GRIK4: variants seen among roughly 807,000 people sequenced by gnomAD.
The protein encoded by GRIK4 is glutamate receptor ionotropic, kainate 4.
Under a neutral mutation model 104.9 loss-of-function variants are expected in GRIK4, and 40 were observed. That is an observed-to-expected ratio of 0.38 (90% CI 0.30 to 0.50). The LOEUF (loss-of-function observed/expected upper bound fraction) is 0.50. Among genes scored for constraint, GRIK4 ranks in the 20% least tolerant of loss-of-function variants. GRIK4 has a pLI of 0.93. For missense variants in GRIK4, 1,047 were observed against 1,308.1 expected (o/e 0.80, Z 3.08); for synonymous variants, 485 against 524.9 (o/e 0.92, Z 1.04).
At chr11:120,611,857 G>A (rs1296892738) in intron 1 of GRIK4, among the ~76,000 whole-genome samples, 1 of 152,184 alleles carries the variant, frequency 6.6e-6, no homozygotes, top group East Asian at 1.9e-4. Context: ...GCCCCACCTG[G>A]GATGAAGCCA....
chr11:120,621,100 G>A (rs1241675514), intron 1 of GRIK4, among the ~76,000 whole-genome samples: 1 of 152,218 alleles, frequency 6.6e-6, no homozygotes, highest in African/African-American at 2.4e-5. Context: ...CCTGGTCACA[G>A]CTTGTCACAC....
chr11:120,770,418 T>G (rs537380867), intron 3 of GRIK4, among the ~76,000 whole-genome samples: 1 of 152,366 alleles, frequency 6.6e-6, no homozygotes, highest in Admixed American at 6.5e-5. Context: ...CCTCTTTTAG[T>G]GGCAAACTGT....
rs778610981 is a variant in GRIK4, at chr11:120,875,198, C to T, written c.1119C>T (p.Asn373=). 1.9e-6 allele frequency: 3 copies of T among 1,613,730 alleles called. No homozygotes were observed. Among genetic ancestry groups the T allele is most frequent in the Admixed American group, 3.3e-5 (2 of 60,026 alleles). The change falls in exon 11 of 21, where the codon AAC becomes AAT. Residue 373 remains asparagine (N), a synonymous_variant. Coordinates refer to ENST00000527524, the MANE Select transcript of GRIK4 (RefSeq NM_014619.5). ...TCAACAGCAAAGGCCAGAGGTCCAACTACGCTTTGAAAATCTTACAGTTCA... is the reference window on the plus strand; with the variant it reads ...TCAACAGCAAAGGCCAGAGGTCCAATTACGCTTTGAAAATCTTACAGTTCA... The part of the protein sequence containing the change: ...IEFNSKGQRS[N]YALKILQFTR...
chr11:120,881,784 G>A (rs1432569825), intron 11 of GRIK4, among the ~76,000 whole-genome samples: 2 of 152,146 alleles, frequency 1.3e-5, no homozygotes, highest in Non-Finnish European at 2.9e-5. Flanking sequence ...CCTTTCCGGG[G>A]GAGTTGGGAT....
At chr11:120,742,819 G>A (rs1355990124) in intron 3 of GRIK4, among the ~76,000 whole-genome samples, 3 of 152,172 alleles carry the variant, frequency 2.0e-5, no homozygotes, top group Non-Finnish European at 4.4e-5. Flanking sequence ...GCATGTGAAT[G>A]TTCATTGCAG....
chr11:120,805,897 T>C (rs1423229115), intron 4 of GRIK4, among the ~76,000 whole-genome samples: 1 of 152,180 alleles, frequency 6.6e-6, no homozygotes, highest in African/African-American at 2.4e-5. Context: ...ATCCCTACTT[T>C]GGCGAGGCTG....
intron 3 of GRIK4, among the ~76,000 whole-genome samples, chr11:120,776,497 AG>A (rs1952045381): frequency 6.6e-6 from 1 of 152,242 alleles, no homozygotes; most frequent in African/African-American, 2.4e-5. Context: ...TCCTGAAGGC[AG>A]GAGATCACTG....
At chr11:120,567,055 G>A (rs1482473086) in intron 1 of GRIK4, among the ~76,000 whole-genome samples, 1 of 140,860 alleles carries the variant, frequency 7.1e-6, no homozygotes, top group Non-Finnish European at 1.5e-5. Flanking sequence ...AGGTGTGGTT[G>A]TGCTGCGCTG....
At chr11:120,564,301 A>G (rs1418153422) in intron 1 of GRIK4, 2 of 152,108 alleles carry the variant, frequency 1.3e-5, no homozygotes, top group Non-Finnish European at 2.9e-5. Context: ...TTTTATTGCA[A>G]GCGGCGCCAC....
At chr11:120,884,797 C>T (rs1466560565) in intron 11 of GRIK4, among the ~76,000 whole-genome samples, 1 of 152,270 alleles carries the variant, frequency 6.6e-6, no homozygotes, top group Non-Finnish European at 1.5e-5. Flanking sequence ...CTGCAAGGCC[C>T]GGGCACATGC....
In GRIK4 at chr11:120,608,005, G is replaced by A. The variant is rs116610902; in HGVS notation, c.-158-45680G>A. 3.7e-3 allele frequency among the ~76,000 whole-genome samples: 571 copies of A among 152,286 alleles called. 3 individuals are homozygous for A. The highest frequency in any genetic ancestry group is 0.013 in the African/African-American group (536 of 41,550). ...ATCAGGTGAGGGTGGAAAAGCTTTC[G>A]CTGGGCAATGAGGAGGTCATGGGGC... On this transcript the variant is annotated intron_variant, in intron 1 of 20. Coordinates refer to ENST00000527524, the MANE Select transcript of GRIK4 (RefSeq NM_014619.5).
At chr11:120,541,064 C>A (rs951884736) in intron 1 of GRIK4, among the ~76,000 whole-genome samples, 4 of 152,262 alleles carry the variant, frequency 2.6e-5, no homozygotes, top group Non-Finnish European at 4.4e-5. Flanking sequence ...CCACATACTG[C>A]CCTGCAGCCT....
At chr11:120,590,432 G>A (rs909181560) in intron 1 of GRIK4, among the ~76,000 whole-genome samples, 4 of 152,132 alleles carry the variant, frequency 2.6e-5, no homozygotes, top group African/African-American at 9.7e-5. Context: ...TGTTAGTCTG[G>A]TGGCCTGGGT....
intron 13 of GRIK4, among the ~76,000 whole-genome samples, chr11:120,920,822 A>G (rs569294304): frequency 2.6e-5 from 4 of 151,668 alleles, no homozygotes; most frequent in African/African-American, 9.6e-5. Flanking sequence ...GAGCATAAAC[A>G]TTTCCTCTAT....
rs910568375 is a variant in GRIK4, at chr11:120,905,198, C to T, written c.1273-92C>T. The T allele has an allele frequency of 1.1e-6, 1 of 914,154 alleles. No individual in the cohort carries two copies. Among genetic ancestry groups the T allele is most frequent in the African/African-American group, 1.6e-5 (1 of 61,670 alleles). The allele number at this position is 914,154 out of a possible 1,614,324, so 56.6% of individuals were successfully genotyped here. On this transcript the variant is annotated intron_variant, in intron 12 of 20. Coordinates refer to ENST00000527524, the MANE Select transcript of GRIK4 (RefSeq NM_014619.5). This position sits in a 1 kb window ranked among gnomAD's most constrained non-coding sequence, Gnocchi z 5.1. ...GTTTCCTCCTTCTGCCCCATGTCCT[C>T]CCCGACCCTCTGTGCCCCTGGCCCT...
chr11:120,732,088 G>A (rs143638700), intron 3 of GRIK4, among the ~76,000 whole-genome samples: 1 of 151,798 alleles, frequency 6.6e-6, no homozygotes, highest in Non-Finnish European at 1.5e-5. Context: ...TTTGGGTTCA[G>A]TTTGCTCTTG....
At chr11:120,966,309 T>G (rs762980262) in intron 18 of GRIK4, among the ~76,000 whole-genome samples, 3 of 152,166 alleles carry the variant, frequency 2.0e-5, no homozygotes, top group Non-Finnish European at 4.4e-5. Context: ...GATTGGTGAC[T>G]TCTCTGGATA....
intron 11 of GRIK4, among the ~76,000 whole-genome samples, chr11:120,882,128 C>T (rs893373949): frequency 5.9e-5 from 9 of 152,122 alleles, no homozygotes; most frequent in African/African-American, 1.4e-4. Context: ...GAGGTACCCC[C>T]GGCATCTGTG....
chr11:120,933,958 A>G (rs1036243472), intron 13 of GRIK4, among the ~76,000 whole-genome samples: 1 of 152,014 alleles, frequency 6.6e-6, no homozygotes, highest in African/African-American at 2.4e-5. Context: ...TAATCCCAGC[A>G]CTTTGGGAGG....
Sources: gnomAD v4.1 joint callset for allele counts (sites outside exome capture counted in the v4.1 genomes callset) on GRCh38, gnomAD v4.1.1 for gene constraint, Gnocchi (gnomAD v3.1) non-coding constraint, MANE v1.5 for transcripts, NCBI Gene and HGNC (gene_info 2026-07-23, HGNC 2026-07-21) for gene names.